The following DPYD variants were observed in gnomAD, a reference collection of about 807,000 sequenced individuals.
The protein encoded by DPYD is dihydropyrimidine dehydrogenase [NADP(+)].
Under a neutral mutation model 116.2 loss-of-function variants are expected in DPYD, and 109 were observed. The ratio of observed to expected loss-of-function variants is 0.94; its 90% CI spans 0.80 to 1.10. DPYD has a LOEUF of 1.10. Ranked by LOEUF, DPYD falls within the 50% of genes least tolerant of loss-of-function variation. The pLI is 0.00. For synonymous variants in DPYD, 440 were observed against 432.0 expected (o/e 1.02, Z -0.23); for missense variants, 1,302 against 1,254.5 (o/e 1.04, Z -0.57).
chr1:97,762,200 T>C (rs954276259), intron 3 of DPYD, among the ~76,000 whole-genome samples: 2 of 151,924 alleles, frequency 1.3e-5, no homozygotes, highest in African/African-American at 4.8e-5. Flanking sequence ...AATGAAAAAG[T>C]AAAAGATGAG....
At chr1:97,203,056 G>A (rs1184198998) in intron 19 of DPYD, among the ~76,000 whole-genome samples, 1 of 152,160 alleles carries the variant, frequency 6.6e-6, no homozygotes, top group African/African-American at 2.4e-5. Flanking sequence ...GTTAGGAACT[G>A]TGGCTGCAGT....
At chr1:97,544,369 C>A (rs2102065161) in intron 12 of DPYD, among the ~76,000 whole-genome samples, 1 of 152,284 alleles carries the variant, frequency 6.6e-6, no homozygotes, top group South Asian at 2.1e-4. Context: ...CATCTCTACT[C>A]CATTTTAACA....
intron 16 of DPYD, among the ~76,000 whole-genome samples, chr1:97,362,313 A>C (rs959565306): frequency 2.0e-5 from 3 of 152,234 alleles, no homozygotes; most frequent in Non-Finnish European, 4.4e-5. Flanking sequence ...GGACACAAAC[A>C]AATGGAAGAA....
chr1:97,148,895 T>C (rs777707898), intron 20 of DPYD, among the ~76,000 whole-genome samples: 1 of 152,200 alleles, frequency 6.6e-6, no homozygotes, highest in Non-Finnish European at 1.5e-5. Flanking sequence ...AACTTTCAAC[T>C]CAGTTATAAG....
chr1:97,642,301 A>T (rs1207298920), intron 8 of DPYD, among the ~76,000 whole-genome samples: 2 of 152,202 alleles, frequency 1.3e-5, no homozygotes, highest in East Asian at 3.9e-4. Context: ...TTAAGCATGA[A>T]GAACAAAGCT....
chr1:97,676,438 T>C (rs998935473), intron 8 of DPYD, among the ~76,000 whole-genome samples: 1 of 152,178 alleles, frequency 6.6e-6, no homozygotes, highest in African/African-American at 2.4e-5. Flanking sequence ...ACATGGTAAC[T>C]ACCCACAGAC....
At chr1:97,784,859 C>T (rs1474085743) in intron 3 of DPYD, among the ~76,000 whole-genome samples, 1 of 152,094 alleles carries the variant, frequency 6.6e-6, no homozygotes. Flanking sequence ...ACAAAGGTAG[C>T]CAATACATAA....
intron 18 of DPYD, among the ~76,000 whole-genome samples, chr1:97,291,144 C>T (rs1385684227): frequency 1.3e-5 from 2 of 152,284 alleles, no homozygotes; most frequent in East Asian, 1.9e-4. Context: ...GATATACCAT[C>T]TCACACCAGT....
chr1:97,205,779 G>C (rs576248301), intron 19 of DPYD, among the ~76,000 whole-genome samples: 1 of 152,098 alleles, frequency 6.6e-6, no homozygotes, highest in African/African-American at 2.4e-5. Context: ...CATTGCACCA[G>C]CCTGTTGTAG....
intron 20 of DPYD, among the ~76,000 whole-genome samples, chr1:97,118,499 G>A (rs1652159497): frequency 6.6e-6 from 1 of 152,012 alleles, no homozygotes; most frequent in Non-Finnish European, 1.5e-5. Flanking sequence ...ATGCTTCCTG[G>A]CTTCTGCATG....
At chr1:97,881,951 T>C (rs184256209) in intron 2 of DPYD, among the ~76,000 whole-genome samples, 68 of 151,836 alleles carry the variant, frequency 4.5e-4, no homozygotes, top group Admixed American at 7.9e-4. Context: ...ATGGCACATG[T>C]ATACATATGT....
intron 14 of DPYD, among the ~76,000 whole-genome samples, chr1:97,396,479 G>A (rs1159444088): frequency 6.6e-6 from 1 of 151,976 alleles, no homozygotes; most frequent in African/African-American, 2.4e-5. Context: ...CTTCGCCAGT[G>A]AGTTATTTCA....
chr1:97,287,600 C>A (rs972188149), intron 18 of DPYD, among the ~76,000 whole-genome samples: 1 of 152,184 alleles, frequency 6.6e-6, no homozygotes, highest in Non-Finnish European at 1.5e-5. Flanking sequence ...AGCTTTCTGG[C>A]TGCTTTGTTT....
intron 20 of DPYD, among the ~76,000 whole-genome samples, chr1:97,104,551 G>T (rs7524812): frequency 1.3e-5 from 2 of 151,988 alleles, no homozygotes; most frequent in Non-Finnish European, 2.9e-5. Context: ...TGTATCTAAC[G>T]CAGGCTGAGG....
At chr1:97,323,452 A>T (rs1668475929) in intron 16 of DPYD, among the ~76,000 whole-genome samples, 1 of 102,546 alleles carries the variant, frequency 9.8e-6, no homozygotes, top group Non-Finnish European at 2.3e-5. Context: ...ACGTATATAC[A>T]TATCATATAT....
At chr1:97,595,248 A>G in intron 8 of DPYD, 82 bp from the exon 9 acceptor site, 1 of 1,033,524 alleles carries the variant, frequency 9.7e-7, no homozygotes, top group African/African-American at 1.6e-5. Context: ...AGAAAACTTT[A>G]ATCTTTGAAA....
intron 18 of DPYD, among the ~76,000 whole-genome samples, chr1:97,235,673 AAAAC>A (rs1661869867): frequency 6.6e-6 from 1 of 152,274 alleles, no homozygotes; most frequent in Non-Finnish European, 1.5e-5. Context: ...TTTGAAAAGA[AAAAC>A]AATCCCATAT....
intron 21 of DPYD, among the ~76,000 whole-genome samples, chr1:97,091,060 C>A (rs976508643): frequency 4.2e-4 from 64 of 152,300 alleles, no homozygotes; most frequent in Admixed American, 4.2e-3. Context: ...ATTATTGTTG[C>A]ATTCCCAACC....
intron 8 of DPYD, among the ~76,000 whole-genome samples, chr1:97,604,161 C>T (rs1251014989): frequency 6.6e-6 from 1 of 152,078 alleles, no homozygotes. Context: ...ATATGTGAAA[C>T]GATGGAGAGC....
Sources: gnomAD v4.1 joint callset for allele counts (sites outside exome capture counted in the v4.1 genomes callset) on GRCh38, gnomAD v4.1.1 for gene constraint, MANE v1.5 for transcripts, NCBI Gene and HGNC (gene_info 2026-07-23, HGNC 2026-07-21) for gene names.